CCDC25: variants seen among roughly 807,000 people sequenced by gnomAD.
The protein encoded by CCDC25 is coiled-coil domain containing 25, also known as coiled-coil domain-containing protein 25.
A neutral mutation model predicts 35.3 loss-of-function variants in CCDC25; 16 were observed. The ratio of observed to expected loss-of-function variants is 0.45; its 90% confidence interval spans 0.31 to 0.69. CCDC25 has a LOEUF of 0.69. CCDC25 is among the 30% of genes least tolerant of loss of function. The pLI, the probability that CCDC25 is intolerant of heterozygous loss-of-function variation, is 0.06. For synonymous variants in CCDC25, 79 were observed against 80.3 expected (o/e 0.98, Z 0.09); for missense variants, 179 against 250.7 (o/e 0.71, Z 1.93).
At chr8:27,769,222 C>A (rs1256403915) in intron 1 of CCDC25, among the ~76,000 whole-genome samples, 1 of 152,138 alleles carries the variant, frequency 6.6e-6, no homozygotes, top group Non-Finnish European at 1.5e-5. Flanking sequence ...AAAAGATCAG[C>A]TGCACAAGTG....
Position 27,756,620 on chromosome 8 carries a change from C to T in CCDC25, c.168+99G>A, listed in dbSNP as rs12543169. ...TTTGTTAACTTTTAGATTTGCGTAC[C>T]AACTTATTACTGTAAGCAATTTAAT... On this transcript the variant is annotated intron_variant, in intron 4 of 8. Transcript: ENST00000356537. 3.1e-3 allele frequency: 2,472 copies of T among 795,946 alleles called. 30 individuals carry two copies. The East Asian group carries it at 0.033, about 11-fold the overall frequency. The allele number at this position is 795,946 out of a possible 1,614,324, so 49.3% of individuals were successfully genotyped here. A position where few individuals can be genotyped will look rare whatever the true frequency, so the allele number is the denominator to read the frequency against.
chr8:27,752,809 A>C (rs1317426368), intron 4 of CCDC25: 1 of 256,576 alleles, frequency 3.9e-6, no homozygotes, highest in African/African-American at 2.8e-5. Flanking sequence ...ACACTTAATA[A>C]GTAAAAAAAA....
In CCDC25 at chr8:27,752,567, G is replaced by A. The variant is rs1316288086; in HGVS notation, c.189C>T (p.Ile63=). ...CACAGTCCATCAGCACTTCCTTTGG[G>A]ATGTCTTCTATATTCTCTCCCTGAA... The part of the protein sequence containing the change: ...RLHKGENIED[I]PKEVLMDCAH... Residue 63 remains isoleucine (I), a synonymous_variant, in exon 5 of 9, where the codon ATC becomes ATT. Coordinates refer to ENST00000356537, the MANE Select transcript of CCDC25 (RefSeq NM_018246.3). 6.2e-7 allele frequency: 1 copy of A among 1,613,396 alleles called. No homozygotes were observed. The highest frequency in any genetic ancestry group is 1.1e-5 in the South Asian group (1 of 91,044).
rs75173329 is a variant in CCDC25, at chr8:27,743,506, C to T, written c.552-2989G>A. On this transcript the variant is annotated intron_variant, in intron 7 of 8. Coordinates refer to ENST00000356537, the MANE Select transcript of CCDC25 (RefSeq NM_018246.3). ...TTTAGTCCTGCATTTTGCCTTGCTGCTCCCATACAAGGTCTTTGCATACAT... is the reference window on the plus strand; with the variant it reads ...TTTAGTCCTGCATTTTGCCTTGCTGTTCCCATACAAGGTCTTTGCATACAT... 5.6e-3 allele frequency among the ~76,000 whole-genome samples: 853 copies of T among 152,350 alleles called. 5 individuals carry two copies. The highest frequency in any genetic ancestry group is 0.017 in the Middle Eastern group (5 of 294).
At position 27,759,496 on chromosome 8, in the gene CCDC25, C is replaced by G. The variant is rs185978033; in HGVS notation, c.117-2726G>C. On this transcript the variant is annotated intron_variant, in intron 3 of 8. Coordinates refer to ENST00000356537, the MANE Select transcript of CCDC25 (RefSeq NM_018246.3). ...CAGTGGCGGGAGCCTGTAGTCCCAG[C>G]TACTTGGGAGGCTGAAGCAGCAGAA... is the stretch of plus-strand genomic sequence containing the variant. Among the ~76,000 whole-genome samples the G allele has an allele frequency of 1.2e-3, 186 of 151,660 alleles. 1 individual carries two copies. The highest frequency in any genetic ancestry group is 4.1e-3 in the African/African-American group (168 of 41,278).
chr8:27,736,006 T>C lies in CCDC25; in HGVS notation c.*210A>G, dbSNP rs1258614656. ...AACATTTTCACTTTAAGTTATATGC[T>C]GTCAAGTTCAACTATTTTATACATA... is the stretch of plus-strand genomic sequence containing the variant. On this transcript the variant is annotated 3_prime_UTR_variant, in exon 9 of 9. Coordinates refer to ENST00000356537, the MANE Select transcript of CCDC25 (RefSeq NM_018246.3). The C allele has an allele frequency of 2.1e-6, 1 of 485,894 alleles. No homozygotes were observed. Among genetic ancestry groups the C allele is most frequent in the Non-Finnish European group, 3.7e-6 (1 of 273,870 alleles). 30.1% of individuals were successfully genotyped at this position (485,894 alleles called of 1,614,324 possible).
intron 5 of CCDC25, among the ~76,000 whole-genome samples, chr8:27,752,116 TAATAGA>T (rs1330966766): frequency 6.6e-5 from 10 of 151,890 alleles, no homozygotes; most frequent in Non-Finnish European, 1.3e-4. Context: ...TAATGACAAA[TAATAGA>T]AATAAAGATA....
intron 1 of CCDC25, among the ~76,000 whole-genome samples, chr8:27,771,611 G>A (rs1804620014): frequency 6.6e-6 from 1 of 152,110 alleles, no homozygotes; most frequent in African/African-American, 2.4e-5. Context: ...GACAAGTAGG[G>A]ACTACTGTAA....
intron 3 of CCDC25, among the ~76,000 whole-genome samples, chr8:27,757,774 C>A (rs1804065346): frequency 6.6e-6 from 1 of 152,142 alleles, no homozygotes; most frequent in South Asian, 2.1e-4. Flanking sequence ...CCCACCAAGT[C>A]TCATGTCGAA....
At chr8:27,768,041 A>G (rs1328158343) in intron 1 of CCDC25, among the ~76,000 whole-genome samples, 1 of 151,480 alleles carries the variant, frequency 6.6e-6, no homozygotes, top group African/African-American at 2.4e-5. Context: ...GTCTCTATAA[A>G]AAAAAAATTT....
Position 27,735,485 on chromosome 8 carries a change from T to C in CCDC25, c.*731A>G, listed in dbSNP as rs908237845. The C allele has an allele frequency of 2.6e-5, 4 of 152,216 alleles. No homozygotes were observed. The highest frequency in any genetic ancestry group is 2.9e-5 in the Non-Finnish European group (2 of 68,044). 9.4% of individuals were successfully genotyped at this position (152,216 alleles called of 1,614,324 possible). A position where few individuals can be genotyped will look rare whatever the true frequency, so the allele number is the denominator to read the frequency against. ...TTTACCCTCAATGCTGAGAAATTACTCCTGGGCCCAGAAGTTGTCACATAG... is the reference window on the plus strand; with the variant it reads ...TTTACCCTCAATGCTGAGAAATTACCCCTGGGCCCAGAAGTTGTCACATAG... On this transcript the variant is annotated 3_prime_UTR_variant, in exon 9 of 9. Coordinates refer to ENST00000356537, the MANE Select transcript of CCDC25 (RefSeq NM_018246.3).
At chr8:27,768,048 A>T (rs78276826) in intron 1 of CCDC25, among the ~76,000 whole-genome samples, 13,226 of 98,458 alleles carry the variant, frequency 0.13, 716 homozygotes, top group South Asian at 0.26. Flanking sequence ...TAAAAAAAAA[A>T]TTTTTTTAAT....
At chr8:27,772,220 C>A (rs1475786249) in intron 1 of CCDC25, among the ~76,000 whole-genome samples, 1 of 152,208 alleles carries the variant, frequency 6.6e-6, no homozygotes, top group African/African-American at 2.4e-5. Flanking sequence ...CAGGCTCTGC[C>A]CAATCCCAGG....
chr8:27,752,614 T>G (rs398692), intron 4 of CCDC25, 27 bp from the exon 5 acceptor site: 112 of 1,518,660 alleles, frequency 7.4e-5, no homozygotes, highest in Non-Finnish European at 9.6e-5. Context: ...AACCAATTGG[T>G]CCACTACCTC....
chr8:27,769,683 T>C (rs565613674), intron 1 of CCDC25, among the ~76,000 whole-genome samples: 26 of 152,268 alleles, frequency 1.7e-4, no homozygotes, highest in African/African-American at 5.8e-4. Flanking sequence ...TGGCACACAC[T>C]GTGGAAGGCT....
chr8:27,759,157 GA>G (rs1388014946), intron 3 of CCDC25, among the ~76,000 whole-genome samples: 1 of 152,152 alleles, frequency 6.6e-6, no homozygotes, highest in East Asian at 1.9e-4. Context: ...GCAGAGACCA[GA>G]AGCTTCACTA....
chr8:27,739,868 G>GAA (rs1803375846), intron 8 of CCDC25, among the ~76,000 whole-genome samples: 2 of 152,096 alleles, frequency 1.3e-5, no homozygotes, highest in Admixed American at 1.3e-4. Context: ...GATAAATTTT[G>GAA]GGAAAGACAG....
At chr8:27,747,973 T>C in intron 7 of CCDC25, 104 bp downstream of exon 7, 1 of 1,112,976 alleles carries the variant, frequency 9.0e-7, no homozygotes, top group Non-Finnish European at 1.3e-6. Context: ...GCTTGTTACA[T>C]GTCCCTCCTT....
chr8:27,767,261 G>A (rs778368105), intron 1 of CCDC25, among the ~76,000 whole-genome samples: 4 of 152,208 alleles, frequency 2.6e-5, no homozygotes, highest in Non-Finnish European at 5.9e-5. Context: ...AGCTACTGGA[G>A]AGGCTCAGGC....
Sources: gnomAD v4.1 joint callset for allele counts (sites outside exome capture counted in the v4.1 genomes callset) on GRCh38, gnomAD v4.1.1 for gene constraint, MANE v1.5 for transcripts, NCBI Gene and HGNC (gene_info 2026-07-23, HGNC 2026-07-21) for gene names.